The following PUS1 variants were observed in gnomAD, a reference collection of about 807,000 sequenced individuals.
The protein encoded by PUS1 is pseudouridine synthase 1, also known as pseudouridylate synthase 1 homolog.
In PUS1, 25 loss-of-function variants were observed where a neutral mutation model predicts 38.5. The observed-to-expected ratio is 0.65, with a 90% CI of 0.47 to 0.91. PUS1 has a LOEUF of 0.91. Among genes scored for constraint, PUS1 ranks in the 40% least tolerant of loss-of-function variants. PUS1 has a pLI of 0.00. For synonymous variants in PUS1, 282 were observed against 260.4 expected (o/e 1.08, Z -0.80); for missense variants, 597 against 612.3 (o/e 0.97, Z 0.26).
At position 131,941,886 on chromosome 12, in the gene PUS1, C is replaced by G; in HGVS notation, c.1139C>G (p.Thr380Ser). Residue 380 changes from threonine (T) to serine (S), a missense_variant, in exon 5 of 6, where the codon ACC (threonine) becomes AGC (serine). Coordinates refer to ENST00000376649, the MANE Select transcript of PUS1 (RefSeq NM_025215.6). The surrounding 1 kb of genome is among the most constrained non-coding windows in gnomAD (Gnocchi z 4.4). ...EEHIYPTIIGTERDERSMAQW... is the reference protein window; with the variant it reads ...EEHIYPTIIGSERDERSMAQW... The stretch of plus-strand genomic sequence containing the variant: ...CACATCTACCCCACCATCATCGGCA[C>G]CGAGCGGGACGAACGCTCCATGGCC... The G allele has an allele frequency of 6.2e-6, 10 of 1,613,600 alleles. No individual in the cohort carries two copies. Among genetic ancestry groups the G allele is most frequent in the Non-Finnish European group, 7.6e-6 (9 of 1,180,020 alleles).
At chr12:131,939,874 CAA>C (rs1890991208) in intron 4 of PUS1, among the ~76,000 whole-genome samples, 1 of 152,088 alleles carries the variant, frequency 6.6e-6, no homozygotes, top group Non-Finnish European at 1.5e-5. Flanking sequence ...CTCCTGGGCT[CAA>C]GTGATCCTCC....
Position 131,929,335 on chromosome 12 carries a change from C to A in PUS1, c.-388C>A. The A allele has an allele frequency of 4.4e-6, 1 of 224,768 alleles. No homozygotes were observed. The highest frequency in any genetic ancestry group is 8.7e-6 in the Non-Finnish European group (1 of 115,256). The allele number at this position is 224,768 out of a possible 1,614,324, so 13.9% of individuals were successfully genotyped here. A position where few individuals can be genotyped will look rare whatever the true frequency, so the allele number is the denominator to read the frequency against. ...CTCTCTGGTCCCGACGCGGGTGGCC[C>A]GGGTCTCCTCGACTCCTGAGGAAAG... is the stretch of plus-strand genomic sequence containing the variant. On this transcript the variant is annotated 5_prime_UTR_variant, in exon 1 of 6. Transcript: ENST00000376649.
chr12:131,929,770 C>A lies in PUS1; in HGVS notation c.48C>A (p.Thr16=), dbSNP rs778116788. 1 of 1,591,932 alleles carries A rather than the reference C, an allele frequency of 6.3e-7. No homozygotes were observed. The highest frequency in any genetic ancestry group is 1.7e-5 in the Admixed American group (1 of 59,350). ...TGTTGGGAGCCTTCGGACGGTGGAC[C>A]CTGCGCCTGGGACCGCGTCCGTCCT... The part of the protein sequence containing the change: ...RALLGAFGRW[T]LRLGPRPSCS... Residue 16 remains threonine (T), a synonymous_variant, in exon 1 of 6, where the codon ACC becomes ACA. Transcript: ENST00000376649.
rs1377771175 is a variant in PUS1, at chr12:131,941,007, T to G, written c.545-285T>G. On this transcript the variant is annotated intron_variant, in intron 4 of 5. Transcript: ENST00000376649. This position sits in a 1 kb window ranked among gnomAD's most constrained non-coding sequence, Gnocchi z 4.4. ...ATCACTCCAAGCATGTATCATTTCT[T>G]TGTGTTGGAGACATTCCGTATCTTC... 2 of 485,324 alleles carry G rather than the reference T, an allele frequency of 4.1e-6. No individual in the cohort carries two copies. Among genetic ancestry groups the G allele is most frequent in the Non-Finnish European group, 7.5e-6 (2 of 266,780 alleles). The allele number at this position is 485,324 out of a possible 1,614,324, so 30.1% of individuals were successfully genotyped here.
chr12:131,943,435 G>T, intron 5 of PUS1, 104 bp from the exon 6 acceptor site: 1 of 907,444 alleles, frequency 1.1e-6, no homozygotes. Context: ...AGGGAGTGGT[G>T]GGGGCAAGGC....
At chr12:131,933,934 G>A (rs1260234462) in intron 3 of PUS1, among the ~76,000 whole-genome samples, 1 of 152,234 alleles carries the variant, frequency 6.6e-6, no homozygotes, top group African/African-American at 2.4e-5. Flanking sequence ...TACAAGGCAA[G>A]GGGACAGGGT....
chr12:131,934,154 C>T (rs1890725572), intron 3 of PUS1, among the ~76,000 whole-genome samples: 1 of 152,192 alleles, frequency 6.6e-6, no homozygotes, highest in Non-Finnish European at 1.5e-5. Context: ...AAGCAGGAGC[C>T]AGGTGTGCAG....
intron 4 of PUS1, among the ~76,000 whole-genome samples, chr12:131,940,306 C>T (rs946207146): frequency 6.6e-6 from 1 of 152,206 alleles, no homozygotes; most frequent in African/African-American, 2.4e-5. Context: ...GTTGGCATTA[C>T]AGGCATGAGC....
At chr12:131,937,290 TGA>T (rs1273445630) in intron 3 of PUS1, among the ~76,000 whole-genome samples, 3 of 152,334 alleles carry the variant, frequency 2.0e-5, no homozygotes, top group Admixed American at 2.0e-4. Context: ...GTGGGTGCCA[TGA>T]GCACCCACAT....
In PUS1 at chr12:131,934,656, G is replaced by T. The variant is rs141348917; in HGVS notation, c.441+2344G>T. ...TACACTGGAACAGCTCGTGCCTTCA[G>T]TCTCTTGCCTCGGCACCTGGGTGGC... On this transcript the variant is annotated intron_variant, in intron 3 of 5. Coordinates refer to ENST00000376649, the MANE Select transcript of PUS1 (RefSeq NM_025215.6). 5.3e-5 allele frequency: 8 copies of T among 152,306 alleles called. No individual in the cohort carries two copies. In the East Asian group the frequency reaches 1.5e-3, roughly 29 times the overall value. 9.4% of individuals were successfully genotyped at this position (152,306 alleles called of 1,614,324 possible). A position where few individuals can be genotyped will look rare whatever the true frequency, so the allele number is the denominator to read the frequency against.
chr12:131,936,624 C>CA (rs1477444423), intron 3 of PUS1, among the ~76,000 whole-genome samples: 3 of 151,730 alleles, frequency 2.0e-5, no homozygotes, highest in Non-Finnish European at 2.9e-5. Flanking sequence ...TGTGGTGGCT[C>CA]ACGCCTGTAA....
intron 3 of PUS1, among the ~76,000 whole-genome samples, chr12:131,938,828 T>C (rs1360321005): frequency 6.6e-6 from 1 of 151,740 alleles, no homozygotes; most frequent in African/African-American, 2.4e-5. Flanking sequence ...TTCACGCCAT[T>C]CTCCTGCCTC....
chr12:131,929,600 T>G lies in PUS1; in HGVS notation c.-123T>G. On this transcript the variant is annotated 5_prime_UTR_variant, in exon 1 of 6. Coordinates refer to ENST00000376649, the MANE Select transcript of PUS1 (RefSeq NM_025215.6). ...GCGCCGGTTTCCCGGAGGTCAGGGG[T>G]CAGAAGGAACAGGGCTGCAGCGTCA... 1 of 820,506 alleles carries G rather than the reference T, an allele frequency of 1.2e-6. No homozygotes were observed. The highest frequency in any genetic ancestry group is 1.8e-6 in the Non-Finnish European group (1 of 567,930). 50.8% of individuals were successfully genotyped at this position (820,506 alleles called of 1,614,324 possible).
chr12:131,931,555 A>G (rs1890603049), intron 2 of PUS1: 1 of 153,138 alleles, frequency 6.5e-6, no homozygotes, highest in Admixed American at 6.4e-5. Context: ...CTAATTATTT[A>G]TTTATTTATT....
chr12:131,931,995 G>A, intron 2 of PUS1, 180 bp from the exon 3 acceptor site: 9 of 698,218 alleles, frequency 1.3e-5, no homozygotes, highest in Non-Finnish European at 2.1e-5. Context: ...GAGCAGCCCG[G>A]CCCCAGGGTG....
rs966527373 is a variant in PUS1, at chr12:131,929,491, G to T, written c.-232G>T. Reference sequence around the variant, plus strand: ...GCAGTAGAGACGGGGCTTGGGCGCGGGGCCTGAGAGGTCAGGGGTCAGCAG... The same window carrying T: ...GCAGTAGAGACGGGGCTTGGGCGCGTGGCCTGAGAGGTCAGGGGTCAGCAG... On this transcript the variant is annotated 5_prime_UTR_variant, in exon 1 of 6. Transcript: ENST00000376649. 5.2e-5 allele frequency: 24 copies of T among 458,540 alleles called. No individual in the cohort carries two copies. The highest frequency in any genetic ancestry group is 2.7e-5 in the Non-Finnish European group (7 of 260,252). The allele number at this position is 458,540 out of a possible 1,614,324, so 28.4% of individuals were successfully genotyped here.
rs1190359154 is a variant in PUS1 at position 131,943,971 on chromosome 12, CA to C, written c.*386del. On this transcript the variant is annotated 3_prime_UTR_variant, in exon 6 of 6. Transcript: ENST00000376649. ...TACGGCTGAACAAAAGAGAAAGGCC[CA>C]GGAGGTTGGCTCAGCCTGTAATCCC... 3.6e-6 allele frequency: 1 copy of C among 279,802 alleles called. No individual in the cohort carries two copies. Among genetic ancestry groups the C allele is most frequent in the African/African-American group, 2.2e-5 (1 of 45,516 alleles). 17.3% of individuals were successfully genotyped at this position (279,802 alleles called of 1,614,324 possible).
chr12:131,929,937 G>C lies in PUS1; in HGVS notation c.105G>C (p.Pro35=), dbSNP rs1186517979. ...CSPRMAGNAE[P]PPAGAACPQD... is the part of the protein sequence containing the mutation. ...CGCGCATGGCCGGGAACGCGGAGCC[G>C]CCGCCCGCCGGAGCCGCATGCCCCC... Residue 35 remains proline (P), a synonymous_variant, in exon 2 of 6, where the codon CCG becomes CCC. Transcript: ENST00000376649. 1 of 1,473,886 alleles carries C rather than the reference G, an allele frequency of 6.8e-7. No individual in the cohort carries two copies. The highest frequency in any genetic ancestry group is 2.5e-5 in the Admixed American group (1 of 40,802). The allele number at this position is 1,473,886 out of a possible 1,614,324, so 91.3% of individuals were successfully genotyped here. A position where few individuals can be genotyped will look rare whatever the true frequency, so the allele number is the denominator to read the frequency against.
At chr12:131,940,964 A>C (rs6598177) in intron 4 of PUS1, 344,757 of 351,884 alleles carry the variant, frequency 0.98, 169,069 homozygotes, top group Non-Finnish European at 1. Context: ...CAAATAGGGC[A>C]ATTAGCATAA....
Sources: allele counts gnomAD v4.1 joint callset (sites outside exome capture counted in the v4.1 genomes callset), GRCh38; gene constraint gnomAD v4.1.1; non-coding constraint Gnocchi (gnomAD v3.1); transcripts MANE v1.5; gene names NCBI Gene and HGNC (gene_info 2026-07-23, HGNC 2026-07-21).